Variants in ZNF18 observed in about 807,000 individuals in gnomAD.
ZNF18 encodes zinc finger protein 18.
In ZNF18, 42 loss-of-function variants were observed where a neutral mutation model predicts 58.1. The observed-to-expected ratio is 0.72, with a 90% CI of 0.56 to 0.93. ZNF18 has a LOEUF of 0.93. Among genes scored for constraint, ZNF18 ranks in the 40% least tolerant of loss-of-function variants. The pLI is 0.00. For missense variants in ZNF18, 540 were observed against 644.2 expected (o/e 0.84, Z 1.75); for synonymous variants, 231 against 239.8 (o/e 0.96, Z 0.34).
the ZNF18 span, among the ~76,000 whole-genome samples, chr17:12,007,578 C>G: frequency 6.6e-6 from 1 of 152,294 alleles, no homozygotes; most frequent in African/African-American, 2.4e-5. Context: ...AGACTTTGCC[C>G]TTGCTGGGTC....
the ZNF18 span, chr17:12,011,192 G>T: frequency 3.6e-6 from 2 of 552,854 alleles, no homozygotes; most frequent in Non-Finnish European, 3.3e-6. Flanking sequence ...ACATATATCG[G>T]GTGCCTCTCC....
the ZNF18 span, among the ~76,000 whole-genome samples, chr17:12,008,420 G>A: frequency 2.6e-4 from 39 of 152,088 alleles, no homozygotes; most frequent in Middle Eastern, 3.2e-3. Context: ...GGCTAGGCTT[G>A]AATTCTTGGG....
chr17:12,013,302 T>C, the ZNF18 span, among the ~76,000 whole-genome samples: 1 of 152,274 alleles, frequency 6.6e-6, no homozygotes, highest in African/African-American at 2.4e-5. Flanking sequence ...ATGTTATAAA[T>C]TGAAACATTT....
intron 4 of ZNF18, 61 bp from the exon 5 acceptor site, chr17:11,984,258 G>T: frequency 6.8e-7 from 1 of 1,481,116 alleles, no homozygotes; most frequent in Non-Finnish European, 9.1e-7. Context: ...GTTTGAACCT[G>T]CCTTCCCTGC....
At chr17:11,988,074 T>C (rs1175538545) in intron 4 of ZNF18, among the ~76,000 whole-genome samples, 1 of 152,138 alleles carries the variant, frequency 6.6e-6, no homozygotes, top group Admixed American at 6.5e-5. Flanking sequence ...AAAAAAAAAT[T>C]TTTTACAAAA....
chr17:11,979,648 T>C (rs1371746954), intron 6 of ZNF18, among the ~76,000 whole-genome samples: 1 of 152,194 alleles, frequency 6.6e-6, no homozygotes, highest in African/African-American at 2.4e-5. Context: ...ACTATATAGA[T>C]CTAAAGATGC....
At chr17:12,011,605 C>T in the ZNF18 span, among the ~76,000 whole-genome samples, 3 of 151,430 alleles carry the variant, frequency 2.0e-5, no homozygotes, top group South Asian at 2.1e-4. Context: ...AAGATGGTCT[C>T]GATCTCCTGA....
the ZNF18 span, among the ~76,000 whole-genome samples, chr17:12,007,706 C>T: frequency 6.6e-6 from 1 of 152,168 alleles, no homozygotes; most frequent in Non-Finnish European, 1.5e-5. Context: ...CGCCTGCCCA[C>T]GTTGAGATTT....
intron 3 of ZNF18, 100 bp downstream of exon 3, chr17:11,990,874 G>T (rs529235479): frequency 3.0e-6 from 4 of 1,326,442 alleles, no homozygotes; most frequent in South Asian, 1.4e-5. Context: ...ACCTCTCAGG[G>T]ATACGCCAAT....
At chr17:12,002,293 A>C (rs7213127), upstream of ZNF18, 59,051 of 151,930 alleles carry the variant, frequency 0.39, 11,982 homozygotes, top group East Asian at 0.62. Context: ...CCAGCTACTC[A>C]GGAGGCTGAG....
chr17:11,984,786 T>C (rs956081413), intron 4 of ZNF18, among the ~76,000 whole-genome samples: 1 of 152,146 alleles, frequency 6.6e-6, no homozygotes, highest in African/African-American at 2.4e-5. Context: ...GGATTACAGG[T>C]GTGAGCCACC....
chr17:11,985,893 C>T (rs1378898177), intron 4 of ZNF18, among the ~76,000 whole-genome samples: 1 of 152,186 alleles, frequency 6.6e-6, no homozygotes, highest in African/African-American at 2.4e-5. Context: ...AGCCAGGCTT[C>T]AGGGAATAGA....
chr17:11,992,704 C>G lies in ZNF18; in HGVS notation c.126G>C (p.Gln42His), dbSNP rs1968206198. Residue 42 changes from glutamine to histidine, a missense_variant, in exon 2 of 7, where the codon CAG (glutamine) becomes CAC (histidine). Physicochemically the swap from Gln to His is conservative, Grantham distance 24. Coordinates refer to ENST00000580306, the MANE Select transcript of ZNF18 (RefSeq NM_001303281.2). ...EELSSPETAR[Q>H]LFRQFRYQVM... Reference sequence around the variant, plus strand: ...CCTGGTAACGGAACTGCCTGAAAAGCTGGCGTGCGGTCTCAGGGCTGGAGA... The same window carrying G: ...CCTGGTAACGGAACTGCCTGAAAAGGTGGCGTGCGGTCTCAGGGCTGGAGA... 2 of 1,614,148 alleles carry G rather than the reference C, an allele frequency of 1.2e-6. No individual in the cohort carries two copies. The highest frequency in any genetic ancestry group is 1.7e-6 in the Non-Finnish European group (2 of 1,180,062).
intron 2 of ZNF18, 28 bp from the exon 3 acceptor site, chr17:11,991,191 A>C: frequency 6.3e-7 from 1 of 1,582,254 alleles, no homozygotes; most frequent in African/African-American, 1.3e-5. Context: ...ATTAGTAATT[A>C]CTGAAGAATC....
the ZNF18 span, among the ~76,000 whole-genome samples, chr17:12,008,826 A>T: frequency 6.6e-6 from 1 of 152,200 alleles, no homozygotes; most frequent in Non-Finnish European, 1.5e-5. Flanking sequence ...TCCCCACAAG[A>T]TCCTTATTAT....
the ZNF18 span, among the ~76,000 whole-genome samples, chr17:12,012,744 C>G: frequency 2.0e-5 from 3 of 152,146 alleles, no homozygotes; most frequent in East Asian, 5.8e-4. Context: ...GGCATGATCA[C>G]AGCTCACTGC....
chr17:12,020,094 A>C, the ZNF18 span, among the ~76,000 whole-genome samples: 1 of 152,234 alleles, frequency 6.6e-6, no homozygotes, highest in Non-Finnish European at 1.5e-5. Flanking sequence ...TGTAACTTAC[A>C]ATAATGACTA....
In ZNF18 at chr17:11,990,460, A is replaced by G; in HGVS notation, c.666+2T>C. ...TTTCATCGCTTTTGTACGTCAGCTC[A>G]CCTGAGGTGCTGCTGGGAGCAGTGA... is the stretch of plus-strand genomic sequence containing the variant. On this transcript the variant is annotated splice_donor_variant, in intron 4 of 6. Coordinates refer to ENST00000580306, the MANE Select transcript of ZNF18 (RefSeq NM_001303281.2). LOFTEE classifies it high-confidence loss of function. 6.2e-7 allele frequency: 1 copy of G among 1,611,676 alleles called. No homozygotes were observed. The highest frequency in any genetic ancestry group is 1.1e-5 in the South Asian group (1 of 90,392).
At chr17:11,985,767 A>G (rs1228520925) in intron 4 of ZNF18, among the ~76,000 whole-genome samples, 1 of 152,202 alleles carries the variant, frequency 6.6e-6, no homozygotes, top group East Asian at 1.9e-4. Flanking sequence ...GGTCCTCAGT[A>G]GATAATATAT....
Sources: gnomAD v4.1 joint callset for allele counts (sites outside exome capture counted in the v4.1 genomes callset) on GRCh38, gnomAD v4.1.1 for gene constraint, MANE v1.5 for transcripts, NCBI Gene and HGNC (gene_info 2026-07-23, HGNC 2026-07-21) for gene names.